Variants in TMEM132B observed in about 807,000 individuals in gnomAD.
The protein encoded by TMEM132B is transmembrane protein 132B.
TMEM132B carries 18 observed loss-of-function variants against 90.8 expected under a neutral mutation model. The observed-to-expected ratio is 0.20, with a 90% CI of 0.14 to 0.29. TMEM132B has a LOEUF of 0.29. Among genes scored for constraint, TMEM132B ranks in the 10% least tolerant of loss-of-function variants. The probability of loss-of-function intolerance (pLI) is 1.00; values close to 1 mark genes in which losing one functional copy is unlikely to be tolerated. For synonymous variants in TMEM132B, 504 were observed against 523.3 expected, an observed-to-expected ratio of 0.96 and a Z score of 0.50; for missense variants, 1,096 against 1,326.8, an observed-to-expected ratio of 0.83 and a Z score of 2.70.
chr12:125,342,707 A>G (rs1174837452), intron 1 of TMEM132B, among the ~76,000 whole-genome samples: 1 of 151,872 alleles, frequency 6.6e-6, no homozygotes, highest in Non-Finnish European at 1.5e-5. Context: ...TCTGCCTCAT[A>G]TCTGCTTCCT....
At chr12:125,387,233 G>GT (rs1489387451) in intron 2 of TMEM132B, among the ~76,000 whole-genome samples, 1 of 152,092 alleles carries the variant, frequency 6.6e-6, no homozygotes, top group East Asian at 1.9e-4. Flanking sequence ...AGGGGTAAGA[G>GT]TTTTTTGCTT....
Position 125,661,720 on chromosome 12 carries a change from C to CTTTTGGCGT in TMEM132B, c.*7011_*7012insTTTGGCGTT, listed in dbSNP as rs1295035501. The CTTTTGGCGT allele has an allele frequency of 1.4e-4, 22 of 152,134 alleles. No homozygotes were observed. Among genetic ancestry groups the CTTTTGGCGT allele is most frequent in the African/African-American group, 5.1e-4 (21 of 41,430 alleles). The allele number at this position is 152,134 out of a possible 1,614,324, so 9.4% of individuals were successfully genotyped here. On this transcript the variant is annotated 3_prime_UTR_variant, in exon 9 of 9. Coordinates refer to ENST00000682704, the MANE Select transcript of TMEM132B (RefSeq NM_001366854.1). ...TTGTGGGCATAAGCAAACACCATAA[C>CTTTTGGCGT]TATGAAAGGCTGAGAGTGGAGAATT...
At chr12:125,282,487 A>G (rs1020235415) in intron 1 of TMEM132B, among the ~76,000 whole-genome samples, 4 of 152,168 alleles carry the variant, frequency 2.6e-5, no homozygotes, top group Non-Finnish European at 4.4e-5. Flanking sequence ...CGCGTCTTCC[A>G]TGGCCTGCAC....
At chr12:125,541,810 G>T (rs528441928) in intron 4 of TMEM132B, among the ~76,000 whole-genome samples, 37 of 151,498 alleles carry the variant, frequency 2.4e-4, no homozygotes, top group African/African-American at 8.5e-4. Context: ...ACGAGGTCAG[G>T]AGATCGAGAC....
intron 3 of TMEM132B, among the ~76,000 whole-genome samples, chr12:125,432,871 G>A (rs1479734019): frequency 1.3e-5 from 2 of 152,076 alleles, no homozygotes; most frequent in East Asian, 3.9e-4. Flanking sequence ...ATGTGAGAAT[G>A]TTTTCCCTTC....
At chr12:125,205,002 G>C in intron 1 of TMEM132B, among the ~76,000 whole-genome samples, 1 of 113,848 alleles carries the variant, frequency 8.8e-6, no homozygotes, top group East Asian at 2.7e-4. Flanking sequence ...TCTTTATGTG[G>C]AGTATCTCAT....
At chr12:125,548,830 A>G (rs1884152706) in intron 4 of TMEM132B, among the ~76,000 whole-genome samples, 1 of 152,140 alleles carries the variant, frequency 6.6e-6, no homozygotes, top group African/African-American at 2.4e-5. Context: ...GGTTATTGCA[A>G]AGGTCCAGGC....
intron 4 of TMEM132B, among the ~76,000 whole-genome samples, chr12:125,575,083 T>TATATATATATATATATATATATA (rs61155232): frequency 5.8e-3 from 667 of 114,428 alleles, no homozygotes; most frequent in Non-Finnish European, 8.3e-3. Flanking sequence ...TATATATATA[T>TATATATATATATATATATATATA]TCAGGAGTAG....
intron 8 of TMEM132B, among the ~76,000 whole-genome samples, chr12:125,653,098 T>G (rs1463404333): frequency 6.6e-6 from 1 of 152,208 alleles, no homozygotes; most frequent in Non-Finnish European, 1.5e-5. Flanking sequence ...CCAGAGCCAC[T>G]GTACCATTCA....
intron 1 of TMEM132B, among the ~76,000 whole-genome samples, chr12:125,280,473 C>T (rs536574306): frequency 9.8e-5 from 15 of 152,334 alleles, no homozygotes; most frequent in African/African-American, 3.4e-4. Context: ...TGTCAAAATG[C>T]CAATGGCTTA....
Position 125,583,976 on chromosome 12 carries a change from C to T in TMEM132B, c.1419C>T (p.Ala473=), listed in dbSNP as rs749123504. 14 of 1,614,002 alleles carry T rather than the reference C, an allele frequency of 8.7e-6. No individual in the cohort carries two copies. Among genetic ancestry groups the T allele is most frequent in the Admixed American group, 5.0e-5 (3 of 59,998 alleles). The change falls in exon 5 of 9, where the codon GCC becomes GCT. Residue 473 remains alanine (A), a synonymous_variant. Coordinates refer to ENST00000682704, the MANE Select transcript of TMEM132B (RefSeq NM_001366854.1). ...CTGAGTCTGTGGAATGCAAGTCTGC[C>T]GATGAAGATGTCATTAAGGTAAGGG... ...DVSESVECKS[A]DEDVIKVSNN...
At chr12:125,502,294 T>C (rs978672493) in intron 3 of TMEM132B, among the ~76,000 whole-genome samples, 1 of 152,244 alleles carries the variant, frequency 6.6e-6, no homozygotes, top group African/African-American at 2.4e-5. Flanking sequence ...TATTTTATGA[T>C]GTGATAACAA....
At position 125,358,704 on chromosome 12, in the gene TMEM132B, T is replaced by C. The variant is rs1003843191; in HGVS notation, c.959+8361T>C. On this transcript the variant is annotated intron_variant, in intron 2 of 8. Transcript: ENST00000682704. Reference sequence around the variant, plus strand: ...TCAGTGCACCATATCAGGAGGTAACTGATGTGTCTTCTCAGCAGTGATGGT... The same window carrying C: ...TCAGTGCACCATATCAGGAGGTAACCGATGTGTCTTCTCAGCAGTGATGGT... Among the ~76,000 whole-genome samples, 6 of 152,342 alleles carry C rather than the reference T, an allele frequency of 3.9e-5. No homozygotes were observed. In the South Asian group the frequency reaches 1.0e-3, roughly 26 times the overall value.
At chr12:125,468,970 A>G (rs1261334649) in intron 3 of TMEM132B, among the ~76,000 whole-genome samples, 7 of 152,184 alleles carry the variant, frequency 4.6e-5, no homozygotes, top group Non-Finnish European at 7.4e-5. Context: ...GGTCCCAACA[A>G]TTTTGTGTGG....
intron 1 of TMEM132B, chr12:125,326,676 G>A: frequency 6.2e-7 from 1 of 1,606,140 alleles, no homozygotes; most frequent in South Asian, 1.1e-5. Context: ...ACCGGGGGAG[G>A]TCGGAAGGAA....
At chr12:125,198,989 A>T (rs1872988549) in intron 1 of TMEM132B, among the ~76,000 whole-genome samples, 1 of 152,238 alleles carries the variant, frequency 6.6e-6, no homozygotes, top group African/African-American at 2.4e-5. Context: ...ATAATCTGCC[A>T]ATATGGATTA....
intron 4 of TMEM132B, among the ~76,000 whole-genome samples, chr12:125,567,131 A>C (rs1290177247): frequency 6.6e-6 from 1 of 152,086 alleles, no homozygotes; most frequent in African/African-American, 2.4e-5. Flanking sequence ...GGCATGAGCT[A>C]CTGCAGCCGG....
At chr12:125,403,961 G>A (rs1000046501) in intron 2 of TMEM132B, among the ~76,000 whole-genome samples, 3 of 152,148 alleles carry the variant, frequency 2.0e-5, no homozygotes, top group African/African-American at 7.2e-5. Flanking sequence ...TGATCTAAGG[G>A]AAAGAATTTT....
chr12:125,286,903 AT>A (rs1195315320), intron 1 of TMEM132B, among the ~76,000 whole-genome samples: 1 of 151,776 alleles, frequency 6.6e-6, no homozygotes. Context: ...AGGTTTCACC[AT>A]GTTGGCCAGA....
Sources: allele counts gnomAD v4.1 joint callset (sites outside exome capture counted in the v4.1 genomes callset), GRCh38; gene constraint gnomAD v4.1.1; transcripts MANE v1.5; gene names NCBI Gene and HGNC (gene_info 2026-07-23, HGNC 2026-07-21).